HPD: variants seen among roughly 807,000 people sequenced by gnomAD.
The protein encoded by HPD is 4-hydroxyphenylpyruvic acid oxidase.
HPD carries 35 observed loss-of-function variants against 56.9 expected under a neutral mutation model. The ratio of observed to expected loss-of-function variants is 0.62; its 90% CI spans 0.47 to 0.82. The LOEUF (loss-of-function observed/expected upper bound fraction) is 0.82, where lower values mean the gene tolerates loss of function less well. Ranked by LOEUF, HPD falls within the 40% of genes least tolerant of loss-of-function variation. The pLI, the probability that HPD is intolerant of heterozygous loss-of-function variation, is 0.00. For missense variants in HPD, 442 were observed against 506.8 expected, an observed-to-expected ratio of 0.87 and a Z score of 1.23; for synonymous variants, 186 against 200.2, an observed-to-expected ratio of 0.93 and a Z score of 0.60.
chr12:121,841,972 C>T lies in HPD; in HGVS notation c.954+1738G>A, dbSNP rs140886277. 1.3e-3 allele frequency among the ~76,000 whole-genome samples: 200 copies of T among 151,732 alleles called. 1 individual carries two copies. Among genetic ancestry groups the T allele is most frequent in the African/African-American group, 3.8e-3 (159 of 41,392 alleles). On this transcript the variant is annotated intron_variant, in intron 12 of 13. Transcript: ENST00000289004. ...TGCTGGGATTACAGGCATGAGCCAC[C>T]GTGCCTGGACTTTGTGATTCCTTTT...
intron 12 of HPD, among the ~76,000 whole-genome samples, chr12:121,842,024 TA>T (rs988028507): frequency 6.6e-6 from 1 of 151,272 alleles, no homozygotes; most frequent in African/African-American, 2.4e-5. Context: ...TAGGCAAATC[TA>T]TAGAGACTGA....
intron 3 of HPD, 75 bp from the exon 4 acceptor site, chr12:121,857,507 G>C (rs1178902772): frequency 2.5e-6 from 3 of 1,184,282 alleles, no homozygotes; most frequent in Non-Finnish European, 3.8e-6. Context: ...GAGAGCCCCT[G>C]GCCCCCCTCA....
chr12:121,859,643 A>G (rs1305541997), upstream of HPD, among the ~76,000 whole-genome samples: 1 of 152,220 alleles, frequency 6.6e-6, no homozygotes, highest in Non-Finnish European at 1.5e-5. Flanking sequence ...AGGTGAACAC[A>G]TGTCTCCCAG....
upstream of HPD, among the ~76,000 whole-genome samples, chr12:121,867,606 C>A (rs992758152): frequency 1.3e-5 from 2 of 151,792 alleles, no homozygotes; most frequent in African/African-American, 2.4e-5. Context: ...CTCCACCTCC[C>A]AGGTTCAAGT....
At chr12:121,850,215 A>G (rs561249233) in intron 7 of HPD, among the ~76,000 whole-genome samples, 69 of 152,050 alleles carry the variant, frequency 4.5e-4, no homozygotes, top group African/African-American at 1.6e-3. Context: ...AGGTCAGGAG[A>G]TCGAGACCAT....
the HPD span, among the ~76,000 whole-genome samples, chr12:121,887,719 A>ATT: frequency 1.3e-5 from 2 of 152,116 alleles, no homozygotes; most frequent in South Asian, 4.1e-4. Context: ...AATCTAGGCA[A>ATT]TTGCATATCC....
the HPD span, among the ~76,000 whole-genome samples, chr12:121,876,171 C>A: frequency 2.0e-5 from 3 of 152,132 alleles, no homozygotes; most frequent in African/African-American, 7.2e-5. Context: ...ATTAGCTGGG[C>A]GTGGTGGCGG....
intron 11 of HPD, among the ~76,000 whole-genome samples, chr12:121,845,336 C>T (rs1016982804): frequency 1.3e-5 from 2 of 149,490 alleles, no homozygotes; most frequent in African/African-American, 5.1e-5. Flanking sequence ...GTGGCTCACA[C>T]CTGTAATCCC....
chr12:121,867,594 A>G (rs1002366218), upstream of HPD, among the ~76,000 whole-genome samples: 4 of 151,354 alleles, frequency 2.6e-5, no homozygotes, highest in African/African-American at 9.7e-5. Context: ...GCTCACTGCA[A>G]CCTCCACCTC....
In HPD at chr12:121,851,491, C is replaced by G. The variant is rs1182429800; in HGVS notation, c.415-1701G>C. ...CCTCCCGAGTAGCTGGGATTACAGG[C>G]GCCTGTCATGCCCAGCTAATTTTTG... On this transcript the variant is annotated intron_variant, in intron 7 of 13. Coordinates refer to ENST00000289004, the MANE Select transcript of HPD (RefSeq NM_002150.3). Among the ~76,000 whole-genome samples, 4 of 151,158 alleles carry G rather than the reference C, an allele frequency of 2.6e-5. No homozygotes were observed. In the Admixed American group the frequency reaches 2.7e-4, roughly 10 times the overall value.
intron 8 of HPD, among the ~76,000 whole-genome samples, 162 bp downstream of exon 8, chr12:121,849,525 G>T (rs907204496): frequency 6.6e-6 from 1 of 152,086 alleles, no homozygotes; most frequent in Non-Finnish European, 1.5e-5. Context: ...CATGGTCTCA[G>T]CCTCTGTGCC....
chr12:121,846,916 G>C lies in HPD; in HGVS notation c.777C>G (p.Asn259Lys). The part of the protein sequence containing the change: ...KSQIQEYVDY[N>K]GGAGVQHIAL... ...CGATGTGCTGGACCCCAGCGCCCCC[G>C]TTATAGTCCACATATTCCTGGGGGA... The change falls in exon 11 of 14, where the codon AAC becomes AAG. Residue 259 changes from asparagine to lysine, a missense_variant. Transcript: ENST00000289004. The C allele has an allele frequency of 1.2e-6, 2 of 1,614,050 alleles. No individual in the cohort carries two copies. The highest frequency in any genetic ancestry group is 1.7e-6 in the Non-Finnish European group (2 of 1,179,990).
chr12:121,851,749 G>A (rs372273603), intron 7 of HPD, among the ~76,000 whole-genome samples: 26,213 of 38,684 alleles, frequency 0.68, 8,027 homozygotes, highest in Middle Eastern at 0.75. Flanking sequence ...TCGCTCTGTC[G>A]CCCAGGCTGG....
upstream of HPD, among the ~76,000 whole-genome samples, chr12:121,867,450 G>T (rs547345597): frequency 6.6e-6 from 1 of 151,330 alleles, no homozygotes; most frequent in South Asian, 2.1e-4. Flanking sequence ...TTTAGACAAG[G>T]TCTCACTCAT....
intron 7 of HPD, among the ~76,000 whole-genome samples, chr12:121,852,875 G>A (rs781153780): frequency 2.7e-5 from 4 of 150,462 alleles, no homozygotes; most frequent in African/African-American, 2.4e-5. Context: ...CAAGTGATTC[G>A]CCCGCCTCAG....
the HPD span, among the ~76,000 whole-genome samples, chr12:121,871,045 T>C: frequency 6.6e-6 from 1 of 152,044 alleles, no homozygotes; most frequent in African/African-American, 2.4e-5. Context: ...GATTCTCCAT[T>C]AGGTTTGGGG....
At chr12:121,849,201 T>C in intron 8 of HPD, 125 bp from the exon 9 acceptor site, 1 of 673,474 alleles carries the variant, frequency 1.5e-6, no homozygotes, top group Non-Finnish European at 2.7e-6. Context: ...TTTGTAGAGA[T>C]GGAGTCTCTA....
the HPD span, among the ~76,000 whole-genome samples, chr12:121,877,236 A>G: frequency 6.6e-6 from 1 of 152,126 alleles, no homozygotes; most frequent in African/African-American, 2.4e-5. Context: ...AGTTGAAGAA[A>G]CTGAGACTCA....
upstream of HPD, among the ~76,000 whole-genome samples, chr12:121,864,581 C>A (rs986371428): frequency 2.7e-5 from 4 of 148,996 alleles, no homozygotes; most frequent in Non-Finnish European, 4.4e-5. Flanking sequence ...TGGCCGGGCG[C>A]AGTGGCTCAC....
Sources: allele counts gnomAD v4.1 joint callset (sites outside exome capture counted in the v4.1 genomes callset), GRCh38; gene constraint gnomAD v4.1.1; transcripts MANE v1.5; gene names NCBI Gene and HGNC (gene_info 2026-07-23, HGNC 2026-07-21).